KCNH7: variants seen among roughly 807,000 people sequenced by gnomAD.
KCNH7 encodes potassium voltage-gated channel subfamily H member 7.
Under a neutral mutation model 120.8 loss-of-function variants are expected in KCNH7, and 49 were observed. The ratio of observed to expected loss-of-function variants is 0.41; its 90% CI spans 0.32 to 0.51. The LOEUF (loss-of-function observed/expected upper bound fraction) is 0.51. Ranked by LOEUF, KCNH7 falls within the 20% of genes least tolerant of loss-of-function variation. The pLI is 0.38. For missense variants in KCNH7, 1,097 were observed against 1,446.6 expected, an observed-to-expected ratio of 0.76 and a Z score of 3.92; for synonymous variants, 547 against 516.1, an observed-to-expected ratio of 1.06 and a Z score of -0.81.
chr2:162,721,347 C>T (rs1687319715), intron 2 of KCNH7, among the ~76,000 whole-genome samples: 1 of 152,088 alleles, frequency 6.6e-6, no homozygotes, highest in Non-Finnish European at 1.5e-5. Flanking sequence ...ATGCTGGTAG[C>T]AGAATGCCAC....
intron 2 of KCNH7, among the ~76,000 whole-genome samples, chr2:162,558,408 T>C (rs989312839): frequency 6.6e-6 from 1 of 151,932 alleles, no homozygotes; most frequent in Non-Finnish European, 1.5e-5. Context: ...TCTCCTGACC[T>C]TGTGATCCAT....
chr2:162,409,065 T>C (rs896042580), intron 9 of KCNH7, among the ~76,000 whole-genome samples: 1 of 151,202 alleles, frequency 6.6e-6, no homozygotes, highest in Non-Finnish European at 1.5e-5. Context: ...ATCAAAAAAA[T>C]AAGAAAAAGG....
intron 2 of KCNH7, among the ~76,000 whole-genome samples, chr2:162,809,482 C>T (rs958643596): frequency 6.6e-6 from 1 of 152,084 alleles, no homozygotes; most frequent in Non-Finnish European, 1.5e-5. Flanking sequence ...GATATGTAAC[C>T]TAACCTCACT....
At chr2:162,392,331 C>A (rs2105428750) in intron 12 of KCNH7, among the ~76,000 whole-genome samples, 1 of 151,360 alleles carries the variant, frequency 6.6e-6, no homozygotes, top group Middle Eastern at 3.4e-3. Flanking sequence ...GACAAGGAAG[C>A]AAATTAATTA....
At chr2:162,762,289 G>T (rs1252554117) in intron 2 of KCNH7, among the ~76,000 whole-genome samples, 1 of 151,608 alleles carries the variant, frequency 6.6e-6, no homozygotes, top group Non-Finnish European at 1.5e-5. Context: ...ACATATGTGT[G>T]TGTGTGTATA....
intron 5 of KCNH7, among the ~76,000 whole-genome samples, chr2:162,506,282 T>C (rs1690881238): frequency 6.6e-6 from 1 of 151,888 alleles, no homozygotes; most frequent in South Asian, 2.1e-4. Context: ...AGCCTTCAGA[T>C]AGTTCTCTGA....
At chr2:162,651,618 G>A (rs1041591190) in intron 2 of KCNH7, among the ~76,000 whole-genome samples, 5 of 152,084 alleles carry the variant, frequency 3.3e-5, no homozygotes, top group Non-Finnish European at 4.4e-5. Context: ...GGGAATTTGT[G>A]TCGATTCCAT....
intron 2 of KCNH7, among the ~76,000 whole-genome samples, chr2:162,728,089 C>G (rs1381435467): frequency 1.3e-5 from 2 of 151,730 alleles, no homozygotes; most frequent in Non-Finnish European, 2.9e-5. Flanking sequence ...ATTTTAAAAA[C>G]TCCTTTTTTT....
intron 2 of KCNH7, among the ~76,000 whole-genome samples, chr2:162,633,613 T>A (rs1683842006): frequency 6.6e-6 from 1 of 152,006 alleles, no homozygotes. Context: ...CTAGAATTTA[T>A]TTTTGGAATA....
intron 5 of KCNH7, among the ~76,000 whole-genome samples, chr2:162,508,592 T>C (rs924193493): frequency 2.0e-4 from 30 of 151,418 alleles, no homozygotes; most frequent in African/African-American, 6.8e-4. Flanking sequence ...CCCATCTAAA[T>C]GCAAATGAAA....
chr2:162,654,157 C>T (rs539057692), intron 2 of KCNH7, among the ~76,000 whole-genome samples: 2 of 142,334 alleles, frequency 1.4e-5, no homozygotes, highest in African/African-American at 5.2e-5. Flanking sequence ...GGATGAAATC[C>T]AAAAAAAAAG....
At chr2:162,519,493 G>C (rs1406035701) in intron 3 of KCNH7, among the ~76,000 whole-genome samples, 1 of 151,778 alleles carries the variant, frequency 6.6e-6, no homozygotes, top group Non-Finnish European at 1.5e-5. Flanking sequence ...GGTGGGTTTG[G>C]AAGAAGGGAG....
intron 2 of KCNH7, among the ~76,000 whole-genome samples, chr2:162,592,803 G>C (rs1694253914): frequency 6.6e-6 from 1 of 152,002 alleles, no homozygotes; most frequent in African/African-American, 2.4e-5. Flanking sequence ...TTTCTGTTGA[G>C]CTGGCCACGT....
In KCNH7 at chr2:162,820,209, T is replaced by TTGTGTGTGTGTGTGTGTGTGTG. The variant is rs71410049; in HGVS notation, c.307+16306_307+16327dup. 6.0e-3 allele frequency among the ~76,000 whole-genome samples: 599 copies of TTGTGTGTGTGTGTGTGTGTGTG among 99,706 alleles called. 13 individuals are homozygous for TTGTGTGTGTGTGTGTGTGTGTG. Among genetic ancestry groups the TTGTGTGTGTGTGTGTGTGTGTG allele is most frequent in the South Asian group, 0.011 (25 of 2,204 alleles). 65.4% of individuals were successfully genotyped at this position (99,706 alleles called of 152,430 possible). A position where few individuals can be genotyped will look rare whatever the true frequency, so the allele number is the denominator to read the frequency against. ...CGCCCAGCACCACGCCCGGCTAATTTTGTGTGTGTGTGTGTGTGTGTGTGT... is the reference window on the plus strand; with the variant it reads ...CGCCCAGCACCACGCCCGGCTAATTTTGTGTGTGTGTGTGTGTGTGTGTGTGTGTGTGTGTGTGTGTGTGTGT... On this transcript the variant is annotated intron_variant, in intron 2 of 15. Coordinates refer to ENST00000332142, the MANE Select transcript of KCNH7 (RefSeq NM_033272.4).
intron 6 of KCNH7, among the ~76,000 whole-genome samples, chr2:162,460,481 A>T (rs888451133): frequency 6.6e-6 from 1 of 152,224 alleles, no homozygotes; most frequent in Non-Finnish European, 1.5e-5. Context: ...CGCTTAGTTC[A>T]TCAATGCCTT....
chr2:162,584,387 T>C (rs1420868111), intron 2 of KCNH7, among the ~76,000 whole-genome samples: 1 of 152,114 alleles, frequency 6.6e-6, no homozygotes, highest in Non-Finnish European at 1.5e-5. Context: ...AATATGTCCT[T>C]GAACTTTCAA....
At chr2:162,796,843 T>TA (rs910431674) in intron 2 of KCNH7, 1 of 147,294 alleles carries the variant, frequency 6.8e-6, no homozygotes, top group African/African-American at 2.5e-5. Context: ...GTTAATCTTG[T>TA]TTTTTTTTTT....
intron 2 of KCNH7, among the ~76,000 whole-genome samples, chr2:162,545,589 GT>G (rs1166378975): frequency 6.6e-6 from 1 of 152,148 alleles, no homozygotes; most frequent in Non-Finnish European, 1.5e-5. Context: ...CAGGAATCTA[GT>G]TAAAATAGTA....
At chr2:162,737,607 GA>G (rs1010111650) in intron 2 of KCNH7, among the ~76,000 whole-genome samples, 8 of 152,032 alleles carry the variant, frequency 5.3e-5, no homozygotes, top group Admixed American at 4.6e-4. Flanking sequence ...TGTATTTCAG[GA>G]AAATTATATT....
Sources: allele counts gnomAD v4.1 joint callset (sites outside exome capture counted in the v4.1 genomes callset), GRCh38; gene constraint gnomAD v4.1.1; transcripts MANE v1.5; gene names NCBI Gene and HGNC (gene_info 2026-07-23, HGNC 2026-07-21).